The following AMPD3 variants were observed in gnomAD, a reference collection of about 807,000 sequenced individuals.
AMPD3 encodes adenosine monophosphate deaminase 3, also known as AMP deaminase 3.
AMPD3 carries 57 observed loss-of-function variants against 82.3 expected under a neutral mutation model. The observed-to-expected ratio is 0.69, with a 90% confidence interval of 0.56 to 0.86. AMPD3 has a LOEUF of 0.86. AMPD3 is among the 40% of genes least tolerant of loss of function. The pLI, the probability that AMPD3 is intolerant of heterozygous loss-of-function variation, is 0.00. For missense variants in AMPD3, 870 were observed against 1,003.8 expected, an observed-to-expected ratio of 0.87 and a Z score of 1.80; for synonymous variants, 381 against 394.7, an observed-to-expected ratio of 0.97 and a Z score of 0.41.
chr11:10,484,670 A>AAAAGG, intron 4 of AMPD3, 150 bp from the exon 5 acceptor site: 1 of 1,207,878 alleles, frequency 8.3e-7, no homozygotes, highest in East Asian at 2.5e-5. Context: ...CTGACGAGAC[A>AAAAGG]AAAGGAAGCA....
At chr11:10,488,145 T>C (rs1444166234) in intron 6 of AMPD3, 3 of 930,928 alleles carry the variant, frequency 3.2e-6, no homozygotes. Context: ...GGCAGCCTTG[T>C]CCGGGGCTCC....
intron 2 of AMPD3, among the ~76,000 whole-genome samples, chr11:10,462,869 T>C (rs1407940915): frequency 6.6e-6 from 1 of 152,166 alleles, no homozygotes; most frequent in Non-Finnish European, 1.5e-5. Flanking sequence ...AAGAATCAGC[T>C]AGGGCAAAGG....
At position 10,493,741 on chromosome 11, in the gene AMPD3, G is replaced by T. The variant is rs1312447377; in HGVS notation, c.1134+198G>T. ...ATGGGACAGGGAAAGAGGGTGTGTGGCTTGGGGCCTGACAGGTCTAAGCAC... is the reference window on the plus strand; with the variant it reads ...ATGGGACAGGGAAAGAGGGTGTGTGTCTTGGGGCCTGACAGGTCTAAGCAC... On this transcript the variant is annotated intron_variant, in intron 7 of 14. Coordinates refer to ENST00000396553, the MANE Select transcript of AMPD3 (RefSeq NM_001025389.2). 1.1e-5 allele frequency: 8 copies of T among 697,074 alleles called. No homozygotes were observed. The Admixed American group carries it at 1.5e-4, about 13-fold the overall frequency. 43.2% of individuals were successfully genotyped at this position (697,074 alleles called of 1,614,324 possible).
chr11:10,457,543 A>G (rs1273041845), intron 1 of AMPD3, among the ~76,000 whole-genome samples: 3 of 152,150 alleles, frequency 2.0e-5, no homozygotes, highest in Non-Finnish European at 4.4e-5. Context: ...AAGAGAAAGG[A>G]AGATATGTTA....
intron 1 of AMPD3, among the ~76,000 whole-genome samples, chr11:10,457,116 C>T (rs1198762429): frequency 6.6e-6 from 1 of 151,524 alleles, no homozygotes; most frequent in Non-Finnish European, 1.5e-5. Context: ...TAGCTGAGAC[C>T]ACAGGTGCAT....
intron 12 of AMPD3, 26 bp downstream of exon 12, chr11:10,501,616 G>A (rs768503099): frequency 1.9e-5 from 31 of 1,613,932 alleles, no homozygotes; most frequent in Admixed American, 1.5e-4. Flanking sequence ...TCGGGAGCCC[G>A]TCCTGAGTGA....
At chr11:10,501,398 G>A (rs1210576645) in intron 11 of AMPD3, 72 bp from the exon 12 acceptor site, 1 of 1,592,436 alleles carries the variant, frequency 6.3e-7, no homozygotes, top group African/African-American at 1.3e-5. Flanking sequence ...CTGGCCCTGA[G>A]CTGTGGCTGC....
intron 4 of AMPD3, among the ~76,000 whole-genome samples, chr11:10,482,966 A>T (rs776088741): frequency 1.3e-5 from 2 of 152,232 alleles, no homozygotes; most frequent in Non-Finnish European, 2.9e-5. Flanking sequence ...CTGCATTTGT[A>T]TCTGGGCTCT....
At chr11:10,471,877 A>C (rs1186005430) in intron 2 of AMPD3, among the ~76,000 whole-genome samples, 2 of 152,232 alleles carry the variant, frequency 1.3e-5, no homozygotes, top group Non-Finnish European at 2.9e-5. Flanking sequence ...ACCATTGTGG[A>C]AGACAGTGTG....
At chr11:10,454,473 C>T (rs1048422071), upstream of AMPD3, among the ~76,000 whole-genome samples, 7 of 152,114 alleles carry the variant, frequency 4.6e-5, no homozygotes, top group Admixed American at 6.6e-5. Context: ...CAAATAAGTG[C>T]GTCGGGTTAA....
At chr11:10,478,013 C>T (rs1296142772) in intron 2 of AMPD3, 2 of 985,298 alleles carry the variant, frequency 2.0e-6, no homozygotes, top group South Asian at 4.7e-5. Context: ...TCTCTTCTGG[C>T]TCCAATGCCC....
At chr11:10,461,863 C>T in intron 2 of AMPD3, 123 bp downstream of exon 2, 1 of 943,648 alleles carries the variant, frequency 1.1e-6, no homozygotes, top group Non-Finnish European at 1.7e-6. Context: ...TGTGTTGGTT[C>T]CTTAACCAAG....
At chr11:10,467,692 A>C (rs1390069903) in intron 2 of AMPD3, among the ~76,000 whole-genome samples, 2 of 152,182 alleles carry the variant, frequency 1.3e-5, no homozygotes, top group East Asian at 3.8e-4. Context: ...CCTCGAGAAG[A>C]GCAACCCCAA....
At chr11:10,450,904 G>A, upstream of AMPD3, 1 of 1,241,950 alleles carries the variant, frequency 8.1e-7, no homozygotes, top group Non-Finnish European at 1.0e-6. Flanking sequence ...GCCTGCTGCG[G>A]GGCGCGGCCT....
chr11:10,502,235 A>G, intron 12 of AMPD3: 1 of 985,448 alleles, frequency 1.0e-6, no homozygotes, highest in Non-Finnish European at 1.2e-6. Context: ...TGGGTGCTAC[A>G]GTAGAAAACC....
At chr11:10,500,279 G>A (rs1849539961) in intron 11 of AMPD3, 30 bp downstream of exon 11, 1 of 1,613,034 alleles carries the variant, frequency 6.2e-7, no homozygotes, top group African/African-American at 1.3e-5. Flanking sequence ...GCACATGCTT[G>A]GGTTCATGTG....
intron 2 of AMPD3, among the ~76,000 whole-genome samples, chr11:10,465,819 GT>G (rs61540424): frequency 0.028 from 3,667 of 132,098 alleles, 134 homozygotes; most frequent in African/African-American, 0.087. Context: ...AGCTGCAGGA[GT>G]TTTTTTTTTT....
At chr11:10,473,358 TC>T (rs1848648032) in intron 2 of AMPD3, 1 of 980,814 alleles carries the variant, frequency 1.0e-6, no homozygotes, top group African/African-American at 1.8e-5. Flanking sequence ...CATTTTCATC[TC>T]CAGGTCTTTA....
chr11:10,482,057 C>G lies in AMPD3; in HGVS notation c.427-6C>G. 1 of 1,614,226 alleles carries G rather than the reference C, an allele frequency of 6.2e-7. No individual in the cohort carries two copies. The highest frequency in any genetic ancestry group is 1.1e-5 in the South Asian group (1 of 91,084). On this transcript the variant is annotated splice_polypyrimidine_tract_variant and splice_region_variant and intron_variant, in intron 3 of 14. Transcript: ENST00000396553. Reference sequence around the variant, plus strand: ...GAACCCTTTCCTGCCTGCCTCCCTTCTGCAGATCACTTTGGAGGACTATGA... The same window carrying G: ...GAACCCTTTCCTGCCTGCCTCCCTTGTGCAGATCACTTTGGAGGACTATGA...
Sources: gnomAD v4.1 joint callset for allele counts (sites outside exome capture counted in the v4.1 genomes callset) on GRCh38, gnomAD v4.1.1 for gene constraint, MANE v1.5 for transcripts, NCBI Gene and HGNC (gene_info 2026-07-23, HGNC 2026-07-21) for gene names.